PIBF1: variants seen among roughly 807,000 people sequenced by gnomAD.
The protein encoded by PIBF1 is progesterone-induced-blocking factor 1.
A neutral mutation model predicts 112.5 loss-of-function variants in PIBF1; 90 were observed. That is an observed-to-expected ratio of 0.80 (90% CI 0.67 to 0.95). The LOEUF (loss-of-function observed/expected upper bound fraction) is 0.95. Ranked by LOEUF, PIBF1 falls within the 40% of genes least tolerant of loss-of-function variation. The probability of loss-of-function intolerance (pLI) is 0.00; values close to 1 mark genes in which losing one functional copy is unlikely to be tolerated. For missense variants in PIBF1, 915 were observed against 852.3 expected (o/e 1.07, Z -0.92); for synonymous variants, 301 against 288.6 (o/e 1.04, Z -0.44).
intron 1 of PIBF1, among the ~76,000 whole-genome samples, 157 bp downstream of exon 1, chr13:72,782,506 C>A (rs2034322452): frequency 6.6e-6 from 1 of 152,138 alleles, no homozygotes; most frequent in Non-Finnish European, 1.5e-5. Flanking sequence ...TTCACTTTTT[C>A]TTACCTATTT....
intron 9 of PIBF1, among the ~76,000 whole-genome samples, chr13:72,845,786 C>T (rs1046485245): frequency 2.0e-5 from 3 of 152,024 alleles, no homozygotes; most frequent in African/African-American, 7.3e-5. Flanking sequence ...GTTTCTTGGC[C>T]ACATAAATGT....
chr13:72,948,530 C>T (rs1269699507), intron 14 of PIBF1, among the ~76,000 whole-genome samples: 1 of 152,198 alleles, frequency 6.6e-6, no homozygotes, highest in Non-Finnish European at 1.5e-5. Flanking sequence ...CCAAATTGTT[C>T]TAATCTCTGC....
intron 10 of PIBF1, 132 bp from the exon 11 acceptor site, chr13:72,893,652 C>T (rs1303028194): frequency 2.1e-6 from 1 of 466,142 alleles, no homozygotes; most frequent in Non-Finnish European, 3.7e-6. Flanking sequence ...TTTATAAAAG[C>T]TTTGCTGAAT....
chr13:72,821,914 A>C lies in PIBF1; in HGVS notation c.738A>C (p.Glu246Asp), dbSNP rs1169116419. The C allele has an allele frequency of 6.2e-6, 10 of 1,613,188 alleles. No individual in the cohort carries two copies. In the Admixed American group the frequency reaches 1.5e-4, roughly 24 times the overall value. ...TTAGATGTCAACGTTTGGCCTTAGA[A>C]TTAGCAGACACAAAACAGTTAATTC... ...VQIRCQRLAL[E>D]LADTKQLIQQ... Residue 246 changes from glutamate (E) to aspartate (D), a missense_variant, in exon 6 of 18, where the codon GAA becomes GAC. By Grantham distance (45) the Glu-to-Asp change is conservative (BLOSUM62 2). Transcript: ENST00000326291.
Position 72,948,109 on chromosome 13 carries a change from A to AG in PIBF1, c.1833+16844dup, listed in dbSNP as rs1338400684. 2.6e-5 allele frequency among the ~76,000 whole-genome samples: 4 copies of AG among 152,270 alleles called. No individual in the cohort carries two copies. The Middle Eastern group carries it at 0.014, about 521-fold the overall frequency. ...GGGGAGCTAGGGGAGGTATAGCATT[A>AG]GGAGAAGTACCTAGTGTAGACGAGT... On this transcript the variant is annotated intron_variant, in intron 14 of 17. Coordinates refer to ENST00000326291, the MANE Select transcript of PIBF1 (RefSeq NM_006346.4).
chr13:72,957,738 A>G (rs1459555252), intron 14 of PIBF1, among the ~76,000 whole-genome samples: 1 of 152,148 alleles, frequency 6.6e-6, no homozygotes, highest in African/African-American at 2.4e-5. Context: ...CAGTAGTTCA[A>G]GAGCAGCCTG....
At chr13:72,822,204 T>C (rs930229787) in intron 6 of PIBF1, among the ~76,000 whole-genome samples, 2 of 152,176 alleles carry the variant, frequency 1.3e-5, no homozygotes, top group Non-Finnish European at 2.9e-5. Context: ...TAAACAGAGA[T>C]AGAAACCCAG....
At chr13:72,947,229 C>T (rs1306680423) in intron 14 of PIBF1, among the ~76,000 whole-genome samples, 2 of 152,214 alleles carry the variant, frequency 1.3e-5, no homozygotes, top group African/African-American at 4.8e-5. Context: ...GAGACTTGCA[C>T]CATCTGAAGC....
chr13:72,976,418 C>G (rs1295454322), intron 16 of PIBF1, among the ~76,000 whole-genome samples: 2 of 152,122 alleles, frequency 1.3e-5, no homozygotes, highest in Non-Finnish European at 2.9e-5. Context: ...TAATTGCCTA[C>G]TACTACATGT....
At position 72,933,988 on chromosome 13, in the gene PIBF1, G is replaced by T. The variant is rs540785712; in HGVS notation, c.1833+2721G>T. ...ACATATAGGTTTAGTAGTGAGTTCT[G>T]GACTTTTGTGTATGTTTGAAAAAAT... On this transcript the variant is annotated intron_variant, in intron 14 of 17. Transcript: ENST00000326291. Among the ~76,000 whole-genome samples, 4 of 152,174 alleles carry T rather than the reference G, an allele frequency of 2.6e-5. No homozygotes were observed. In the South Asian group the frequency reaches 8.3e-4, roughly 32 times the overall value.
At chr13:73,012,594 CAAAAA>C (rs767218753) in intron 17 of PIBF1, among the ~76,000 whole-genome samples, 2 of 149,200 alleles carry the variant, frequency 1.3e-5, no homozygotes, top group African/African-American at 2.5e-5. Context: ...CAAAAAAAAA[CAAAAA>C]AAACACTTAG....
At chr13:72,940,836 T>G (rs560233868) in intron 14 of PIBF1, among the ~76,000 whole-genome samples, 1 of 152,208 alleles carries the variant, frequency 6.6e-6, no homozygotes, top group Non-Finnish European at 1.5e-5. Context: ...CTTGCCCATG[T>G]TCACTTCAGA....
In PIBF1 at chr13:72,833,992, T is replaced by TTAGA. The variant is rs910041569; in HGVS notation, c.1098-1240_1098-1237dup. Among the ~76,000 whole-genome samples the TTAGA allele has an allele frequency of 1.8e-4, 27 of 152,202 alleles. 1 individual carries two copies. Among genetic ancestry groups the TTAGA allele is most frequent in the Admixed American group, 1.6e-3 (25 of 15,284 alleles). On this transcript the variant is annotated intron_variant, in intron 8 of 17. Coordinates refer to ENST00000326291, the MANE Select transcript of PIBF1 (RefSeq NM_006346.4). ...CAGCAATATCAAAAGCCTATTTCTT[T>TTAGA]TAGATAGATAGATATATGCTATGAC...
intron 5 of PIBF1, among the ~76,000 whole-genome samples, chr13:72,804,448 C>G (rs2138019758): frequency 6.6e-6 from 1 of 152,248 alleles, no homozygotes; most frequent in African/African-American, 2.4e-5. Context: ...TGGTAATCAA[C>G]TGGGAGAATT....
intron 3 of PIBF1, among the ~76,000 whole-genome samples, chr13:72,794,423 G>A (rs753389767): frequency 2.0e-5 from 3 of 152,164 alleles, no homozygotes; most frequent in Non-Finnish European, 4.4e-5. Flanking sequence ...CAGCATGTGT[G>A]TCTGTTAATG....
chr13:72,942,037 C>A (rs1056531136), intron 14 of PIBF1, among the ~76,000 whole-genome samples: 5 of 152,094 alleles, frequency 3.3e-5, no homozygotes, highest in Non-Finnish European at 5.9e-5. Context: ...TTTATCTCTG[C>A]CCCTTGAGTT....
chr13:72,967,840 T>G (rs2138921357), intron 15 of PIBF1, among the ~76,000 whole-genome samples: 1 of 152,162 alleles, frequency 6.6e-6, no homozygotes, highest in African/African-American at 2.4e-5. Context: ...GCAAGTAATT[T>G]AAACTCTCTA....
intron 4 of PIBF1, among the ~76,000 whole-genome samples, chr13:72,796,185 C>T (rs973867847): frequency 1.3e-5 from 2 of 152,050 alleles, no homozygotes; most frequent in Non-Finnish European, 1.5e-5. Context: ...GTGATAATGT[C>T]ATATGTCATG....
intron 3 of PIBF1, among the ~76,000 whole-genome samples, chr13:72,793,247 A>C (rs970286122): frequency 6.6e-6 from 1 of 152,200 alleles, no homozygotes; most frequent in African/African-American, 2.4e-5. Context: ...TAAAAATGTG[A>C]ATGTTTAGTT....
Sources: allele counts gnomAD v4.1 joint callset (sites outside exome capture counted in the v4.1 genomes callset), GRCh38; gene constraint gnomAD v4.1.1; transcripts MANE v1.5; gene names NCBI Gene and HGNC (gene_info 2026-07-23, HGNC 2026-07-21).